USP28: variants seen among roughly 807,000 people sequenced by gnomAD.
The protein encoded by USP28 is ubiquitin specific peptidase 28.
A neutral mutation model predicts 145.0 loss-of-function variants in USP28; 113 were observed. That is an observed-to-expected ratio of 0.78 (90% CI 0.67 to 0.91). The LOEUF (loss-of-function observed/expected upper bound fraction) is 0.91. USP28 is among the 40% of genes least tolerant of loss of function. The pLI is 0.00. For synonymous variants in USP28, 447 were observed against 450.9 expected (o/e 0.99, Z 0.11); for missense variants, 1,201 against 1,289.6 (o/e 0.93, Z 1.05).
chr11:113,812,148 T>C lies in USP28; in HGVS notation c.1972+128A>G, dbSNP rs139498118. On this transcript the variant is annotated intron_variant, in intron 16 of 24. Transcript: ENST00000003302. Reference sequence around the variant, plus strand: ...CCTTTTCATTTCCTTTTATACTGTCTATATTTTTTAAATCTATTATTATAT... The same window carrying C: ...CCTTTTCATTTCCTTTTATACTGTCCATATTTTTTAAATCTATTATTATAT... The C allele has an allele frequency of 3.1e-3, 1,989 of 632,346 alleles. 35 individuals carry two copies. The East Asian group carries it at 0.042, about 13-fold the overall frequency. 39.2% of individuals were successfully genotyped at this position (632,346 alleles called of 1,614,324 possible).
chr11:113,840,295 G>A (rs996984410), intron 5 of USP28, among the ~76,000 whole-genome samples: 1 of 151,682 alleles, frequency 6.6e-6, no homozygotes, highest in Non-Finnish European at 1.5e-5. Context: ...TCGCCTACCT[G>A]GATAGCTATG....
intron 23 of USP28, among the ~76,000 whole-genome samples, 177 bp from the exon 25 acceptor site, chr11:113,801,855 G>A (rs1049920241): frequency 6.6e-6 from 1 of 152,196 alleles, no homozygotes; most frequent in African/African-American, 2.4e-5. Context: ...TTAGTGTTTA[G>A]ATGACCGGGA....
At chr11:113,805,127 AG>A in intron 19 of USP28, 81 bp from the exon 21 acceptor site, 40 of 1,344,388 alleles carry the variant, frequency 3.0e-5, no homozygotes, top group Non-Finnish European at 4.0e-5. Context: ...GGAGCTAGGC[AG>A]TCTCTTGACT....
intron 23 of USP28, 128 bp downstream of exon 24, chr11:113,803,030 A>G (rs1225012214): frequency 2.0e-5 from 22 of 1,104,854 alleles, no homozygotes; most frequent in Non-Finnish European, 2.5e-5. Flanking sequence ...AAAACTGTTC[A>G]TGAGAATTTT....
At chr11:113,808,357 C>T (rs1310810929) in exon 18 of USP28, 1 of 1,614,058 alleles carries the variant, frequency 6.2e-7, no homozygotes, top group Non-Finnish European at 8.5e-7. Flanking sequence ...TTTGCAATAG[C>T]CTGGGCAGTT....
At chr11:113,805,177 A>C (rs1591482473) in intron 19 of USP28, 131 bp from the exon 21 acceptor site, 2 of 814,618 alleles carry the variant, frequency 2.5e-6, no homozygotes, top group Middle Eastern at 3.9e-4. Context: ...GAATTACAAA[A>C]ACAACTATGG....
chr11:113,812,252 T>C (rs1232101957), intron 16 of USP28, 24 bp downstream of exon 16: 6 of 1,595,328 alleles, frequency 3.8e-6, no homozygotes, highest in East Asian at 2.2e-5. Flanking sequence ...CCCCAATCTA[T>C]AGATTCTGCC....
In USP28 at chr11:113,861,123, CAA is replaced by C. The variant is rs1166313897; in HGVS notation, c.58-6790_58-6789del. On this transcript the variant is annotated intron_variant, in intron 1 of 24. Transcript: ENST00000003302. The stretch of plus-strand genomic sequence containing the variant: ...TGGGCGACAAAGCGAGACTACACCT[CAA>C]AAAAAAAAAAAAAACCACCTCTGTC... Among the ~76,000 whole-genome samples the C allele has an allele frequency of 2.8e-3, 243 of 88,162 alleles. 1 individual carries two copies. Among genetic ancestry groups the C allele is most frequent in the Non-Finnish European group, 4.6e-3 (192 of 41,836 alleles). 57.8% of individuals were successfully genotyped at this position (88,162 alleles called of 152,430 possible).
chr11:113,834,108 A>G, intron 6 of USP28, 141 bp downstream of exon 6: 1 of 577,588 alleles, frequency 1.7e-6, no homozygotes, highest in Non-Finnish European at 2.9e-6. Flanking sequence ...CAAAAAAGGA[A>G]AATGAGCCAT....
chr11:113,849,898 C>A (rs1037494719), intron 3 of USP28, among the ~76,000 whole-genome samples: 1 of 152,202 alleles, frequency 6.6e-6, no homozygotes, highest in African/African-American at 2.4e-5. Context: ...CTGGGTTTTA[C>A]TATCCCAACA....
At chr11:113,803,731 C>T in intron 22 of USP28, 67 bp downstream of exon 23, 3 of 1,310,346 alleles carry the variant, frequency 2.3e-6, no homozygotes, top group Admixed American at 1.9e-5. Flanking sequence ...CTTAGTATTC[C>T]CAGGTAGGCA....
intron 2 of USP28, among the ~76,000 whole-genome samples, chr11:113,852,951 A>G (rs558289868): frequency 2.4e-4 from 37 of 152,246 alleles, no homozygotes; most frequent in Middle Eastern, 3.4e-3. Flanking sequence ...CGATGTGTCA[A>G]AAAAGGGGGC....
chr11:113,801,568 A>T (rs1231343260), exon 24 of USP28: 1 of 1,610,322 alleles, frequency 6.2e-7, no homozygotes, highest in East Asian at 2.2e-5. Context: ...TGTCATTATT[A>T]ATGATAAGGT....
chr11:113,831,869 A>G, intron 8 of USP28, 51 bp downstream of exon 8: 1 of 1,558,416 alleles, frequency 6.4e-7, no homozygotes, highest in Non-Finnish European at 8.8e-7. Flanking sequence ...TATAATTCTC[A>G]CTGGCCCACT....
At chr11:113,828,936 A>T in intron 10 of USP28, 1 of 606,674 alleles carries the variant, frequency 1.6e-6, no homozygotes, top group Non-Finnish European at 3.1e-6. Context: ...ACAGAAAGAG[A>T]GAAACTTGAT....
chr11:113,798,560 G>A (rs937226054), exon 25 of USP28: 1 of 152,552 alleles, frequency 6.6e-6, no homozygotes, highest in Non-Finnish European at 1.5e-5. Context: ...CTTCAGTCAA[G>A]TTACACAATG....
At chr11:113,809,329 G>T in intron 16 of USP28, 75 bp from the exon 17 acceptor site, 1 of 1,426,622 alleles carries the variant, frequency 7.0e-7, no homozygotes, top group Admixed American at 2.0e-5. Flanking sequence ...AGAAAGCAGG[G>T]TATTTCATCT....
chr11:113,834,106 G>T, intron 6 of USP28, 143 bp downstream of exon 6: 1 of 567,426 alleles, frequency 1.8e-6, no homozygotes, highest in Non-Finnish European at 3.0e-6. Flanking sequence ...CCCAAAAAAG[G>T]AAAATGAGCC....
At chr11:113,833,646 C>T in intron 6 of USP28, 89 bp from the exon 7 acceptor site, 1 of 1,327,758 alleles carries the variant, frequency 7.5e-7, no homozygotes, top group Non-Finnish European at 1.0e-6. Flanking sequence ...ATAATCATGC[C>T]CTCATTTATA....
Sources: gnomAD v4.1 joint callset for allele counts (sites outside exome capture counted in the v4.1 genomes callset) on GRCh38, gnomAD v4.1.1 for gene constraint, MANE v1.5 for transcripts, NCBI Gene and HGNC (gene_info 2026-07-23, HGNC 2026-07-21) for gene names.